Variants in TBC1D22B observed in about 807,000 individuals in gnomAD.
TBC1D22B encodes chromosome 6 open reading frame 197.
Under a neutral mutation model 69.1 loss-of-function variants are expected in TBC1D22B, and 32 were observed. That is an observed-to-expected ratio of 0.46 (90% confidence interval 0.35 to 0.62). TBC1D22B has a LOEUF of 0.62. Ranked by LOEUF, TBC1D22B falls within the 20% of genes least tolerant of loss-of-function variation. TBC1D22B has a pLI of 0.00. For synonymous variants in TBC1D22B, 206 were observed against 229.8 expected (o/e 0.90, Z 0.94); for missense variants, 462 against 630.9 (o/e 0.73, Z 2.87).
chr6:37,320,342 G>A (rs189757777), intron 12 of TBC1D22B, among the ~76,000 whole-genome samples: 1 of 152,220 alleles, frequency 6.6e-6, no homozygotes, highest in East Asian at 1.9e-4. Flanking sequence ...CTGTGCCTCC[G>A]TTTTCTTATC....
intron 8 of TBC1D22B, among the ~76,000 whole-genome samples, chr6:37,301,788 G>A (rs6905400): frequency 0.033 from 5,041 of 152,232 alleles, 262 homozygotes; most frequent in African/African-American, 0.11. Context: ...TCATGTTGGC[G>A]TATCTGGATG....
intron 1 of TBC1D22B, 116 bp downstream of exon 1, chr6:37,258,089 T>C (rs1251784699): frequency 6.0e-6 from 7 of 1,161,612 alleles, no homozygotes; most frequent in Non-Finnish European, 7.1e-6. Context: ...TTGGGGAAGC[T>C]GGGACTGCCT....
intron 6 of TBC1D22B, among the ~76,000 whole-genome samples, chr6:37,286,220 A>G (rs993507162): frequency 6.6e-6 from 1 of 152,138 alleles, no homozygotes; most frequent in African/African-American, 2.4e-5. Flanking sequence ...TCATGGAAAC[A>G]TGTTCCACAT....
rs765205125 is a variant in TBC1D22B at position 37,316,754 on chromosome 6, C to T, written c.1217C>T (p.Ala406Val). The T allele has an allele frequency of 1.2e-6, 2 of 1,614,198 alleles. No individual in the cohort carries two copies. The highest frequency in any genetic ancestry group is 8.5e-7 in the Non-Finnish European group (1 of 1,180,026). Residue 406 changes from alanine to valine, a missense_variant, in exon 11 of 13, where the codon GCC becomes GTC. Physicochemically the swap from Ala to Val is moderately conservative, Grantham distance 64. Coordinates refer to ENST00000373491, the MANE Select transcript of TBC1D22B (RefSeq NM_017772.4). ...TACGAGGTAGAATACCTGCAGTTTG[C>T]CTTCCGCTGGATGAACAACCTGCTT... ...RRYEVEYLQF[A>V]FRWMNNLLMR... is the part of the protein sequence containing the mutation.
intron 2 of TBC1D22B, among the ~76,000 whole-genome samples, chr6:37,272,424 C>T (rs1415634215): frequency 2.7e-5 from 4 of 146,672 alleles, no homozygotes; most frequent in Non-Finnish European, 6.0e-5. Context: ...TGCACTGGCA[C>T]GATCAGGGCT....
At chr6:37,314,424 C>G (rs180731723) in intron 10 of TBC1D22B, among the ~76,000 whole-genome samples, 29 of 152,250 alleles carry the variant, frequency 1.9e-4, no homozygotes, top group African/African-American at 6.3e-4. Flanking sequence ...GGCTGATACC[C>G]CAGCAGGACT....
At chr6:37,327,162 C>T (rs1768432974) in intron 12 of TBC1D22B, among the ~76,000 whole-genome samples, 1 of 151,664 alleles carries the variant, frequency 6.6e-6, no homozygotes, top group Non-Finnish European at 1.5e-5. Context: ...GTAGTATGGT[C>T]CAAGGTCAAC....
chr6:37,305,816 G>T (rs114368144), intron 8 of TBC1D22B, among the ~76,000 whole-genome samples: 1 of 152,154 alleles, frequency 6.6e-6, no homozygotes, highest in Admixed American at 6.5e-5. Flanking sequence ...CACCGCGCCC[G>T]GTCAGTTTTG....
chr6:37,279,133 G>T lies in TBC1D22B; in HGVS notation c.114-171G>T, dbSNP rs79149807. Among the ~76,000 whole-genome samples, 468 of 152,292 alleles carry T rather than the reference G, an allele frequency of 3.1e-3. 3 individuals are homozygous for T. Among genetic ancestry groups the T allele is most frequent in the African/African-American group, 0.011 (442 of 41,548 alleles). On this transcript the variant is annotated intron_variant, in intron 2 of 12. Transcript: ENST00000373491. ...TGCTACATCTGTCTCTGCGATCTCA[G>T]GCTGGTCTGGATGTATCTAGATGAA... is the stretch of plus-strand genomic sequence containing the variant.
chr6:37,325,435 T>G (rs1296322391), intron 12 of TBC1D22B, among the ~76,000 whole-genome samples: 2 of 152,048 alleles, frequency 1.3e-5, no homozygotes, highest in African/African-American at 4.8e-5. Flanking sequence ...TTGTAACAAA[T>G]CTTCAGTTGT....
Position 37,317,605 on chromosome 6 carries a change from ACAT to A in TBC1D22B, c.1389+403_1389+405del, listed in dbSNP as rs561372228. 1.1e-3 allele frequency among the ~76,000 whole-genome samples: 160 copies of A among 152,360 alleles called. 2 individuals are homozygous for A. Among genetic ancestry groups the A allele is most frequent in the African/African-American group, 3.6e-3 (149 of 41,578 alleles). On this transcript the variant is annotated intron_variant, in intron 12 of 12. Coordinates refer to ENST00000373491, the MANE Select transcript of TBC1D22B (RefSeq NM_017772.4). ...GTTGTGGGGAGACATACAGTAAATAACATCATAGTAAATAGTAAATTGAAAAGA... is the reference window on the plus strand; with the variant it reads ...GTTGTGGGGAGACATACAGTAAATAACATAGTAAATAGTAAATTGAAAAGA...
rs747262064 is a variant in TBC1D22B at position 37,269,635 on chromosome 6, C to T, written c.98C>T (p.Pro33Leu). 3 of 1,614,082 alleles carry T rather than the reference C, an allele frequency of 1.9e-6. No individual in the cohort carries two copies. The highest frequency in any genetic ancestry group is 2.2e-5 in the East Asian group (1 of 44,878). Reference sequence around the variant, plus strand: ...GGAGCACAGCATCCTCCTCTTGACCCACGGCTCACCAAAAAGTAAGTCAAG... The same window carrying T: ...GGAGCACAGCATCCTCCTCTTGACCTACGGCTCACCAAAAAGTAAGTCAAG... Reference protein sequence around the residue: ...VYGAQHPPLDPRLTKNFIKER... With the variant: ...VYGAQHPPLDLRLTKNFIKER... Residue 33 changes from proline to leucine, a missense_variant, in exon 2 of 13, where the codon CCA becomes CTA. By Grantham distance (98) the Pro-to-Leu change is moderately conservative (BLOSUM62 -3). Around this residue, in one of 2 missense-constraint regions of TBC1D22B, gnomAD observed 237 missense variants for 255.4 expected, o/e 0.93. Transcript: ENST00000373491.
intron 1 of TBC1D22B, among the ~76,000 whole-genome samples, chr6:37,264,678 A>G (rs933047758): frequency 6.6e-6 from 1 of 152,196 alleles, no homozygotes; most frequent in African/African-American, 2.4e-5. Context: ...ATGTTAGGGA[A>G]CTAGAGAAGA....
At chr6:37,320,879 C>T (rs1354618294) in intron 12 of TBC1D22B, among the ~76,000 whole-genome samples, 3 of 152,184 alleles carry the variant, frequency 2.0e-5, no homozygotes, top group Non-Finnish European at 4.4e-5. Flanking sequence ...GCTTGAAATG[C>T]GAGCTGCCAG....
intron 1 of TBC1D22B, among the ~76,000 whole-genome samples, chr6:37,267,212 G>C (rs1342017065): frequency 1.3e-5 from 2 of 150,432 alleles, no homozygotes; most frequent in Non-Finnish European, 3.0e-5. Flanking sequence ...TGGGATTACA[G>C]ATGTGAGCTA....
intron 2 of TBC1D22B, among the ~76,000 whole-genome samples, chr6:37,271,186 G>A (rs569349582): frequency 1.3e-5 from 2 of 152,180 alleles, no homozygotes; most frequent in East Asian, 1.9e-4. Context: ...GGTGGCAGGC[G>A]CCTGTAATTT....
intron 8 of TBC1D22B, 45 bp from the exon 9 acceptor site, chr6:37,312,873 T>C: frequency 6.6e-7 from 1 of 1,512,056 alleles, no homozygotes; most frequent in Non-Finnish European, 9.2e-7. Flanking sequence ...TCTCTCTCCA[T>C]TTTTAGATAA....
At chr6:37,264,084 C>T (rs1766194551) in intron 1 of TBC1D22B, among the ~76,000 whole-genome samples, 1 of 150,704 alleles carries the variant, frequency 6.6e-6, no homozygotes, top group South Asian at 2.1e-4. Flanking sequence ...AGCCAGTTAG[C>T]CATGGAATTA....
At position 37,284,427 on chromosome 6, in the gene TBC1D22B, C is replaced by A; in HGVS notation, c.764C>A (p.Ser255Tyr). 6.2e-7 allele frequency: 1 copy of A among 1,603,994 alleles called. No homozygotes were observed. Among genetic ancestry groups the A allele is most frequent in the Non-Finnish European group, 8.5e-7 (1 of 1,176,028 alleles). ...YFGFIEQYYDSRNEEHHQDTY... is the reference protein window; with the variant it reads ...YFGFIEQYYDYRNEEHHQDTY... ...GGCTTCATTGAACAGTATTATGACT[C>A]TCGAAACGAGGAACATCACCAGGAT... is the stretch of plus-strand genomic sequence containing the variant. The change falls in exon 6 of 13, where the codon TCT becomes TAT. Residue 255 changes from serine (S) to tyrosine (Y), a missense_variant. Around this residue, in one of 2 missense-constraint regions of TBC1D22B, gnomAD observed 225 missense variants for 375.4 expected, o/e 0.60. Transcript: ENST00000373491.
Sources: gnomAD v4.1 joint callset for allele counts (sites outside exome capture counted in the v4.1 genomes callset) on GRCh38, gnomAD v4.1.1 for gene constraint, gnomAD v4.1.1 regional missense constraint, MANE v1.5 for transcripts, NCBI Gene and HGNC (gene_info 2026-07-23, HGNC 2026-07-21) for gene names.